ZNF441: variants seen among roughly 807,000 people sequenced by gnomAD.
ZNF441 encodes the protein zinc finger protein 441.
A neutral mutation model predicts 64.5 loss-of-function variants in ZNF441; 25 were observed. That is an observed-to-expected ratio of 0.39 (90% CI 0.28 to 0.54). ZNF441 has a LOEUF of 0.54. Among genes scored for constraint, ZNF441 ranks in the 20% least tolerant of loss-of-function variants. ZNF441 has a pLI of 0.70. For missense variants in ZNF441, 715 were observed against 843.3 expected (o/e 0.85, Z 1.88); for synonymous variants, 262 against 268.0 (o/e 0.98, Z 0.22).
At chr19:11,779,964 A>C (rs1975385309) in intron 3 of ZNF441, 55 bp from the exon 4 acceptor site, 1 of 1,352,960 alleles carries the variant, frequency 7.4e-7, no homozygotes, top group South Asian at 1.3e-5. Flanking sequence ...AATACTTATT[A>C]ATACAAAATC....
chr19:11,773,418 T>C (rs1364737838), intron 1 of ZNF441, among the ~76,000 whole-genome samples: 1 of 152,232 alleles, frequency 6.6e-6, no homozygotes, highest in East Asian at 1.9e-4. Flanking sequence ...ATGTGTAGCC[T>C]GCTGGTGTAA....
At position 11,767,748 on chromosome 19, in the gene ZNF441, T is replaced by C. The variant is rs1483730417; in HGVS notation, c.3+552T>C. 2.6e-5 allele frequency among the ~76,000 whole-genome samples: 4 copies of C among 152,186 alleles called. No individual in the cohort carries two copies. The highest frequency in any genetic ancestry group is 5.9e-5 in the Non-Finnish European group (4 of 68,032). On this transcript the variant is annotated intron_variant, in intron 1 of 3. Transcript: ENST00000357901. This position sits in a 1 kb window ranked among gnomAD's most constrained non-coding sequence, Gnocchi z 5.1. ...CTTCAGCCTGGTTGGCGCCAGCCTT[T>C]CCGCTGGAATTCAGGATCTGAGAAA...
At chr19:11,770,342 T>C (rs6511759) in intron 1 of ZNF441, among the ~76,000 whole-genome samples, 23,058 of 152,140 alleles carry the variant, frequency 0.15, 3,751 homozygotes, top group African/African-American at 0.39. Context: ...CCACAGGTCC[T>C]TCCCTTGATA....
rs1470403098 is a variant in ZNF441, at chr19:11,767,834, C to G, written c.3+638C>G. ...TCATCCCCAAGCACAATGGCGAAGC[C>G]GGCGGTCAGCATCTGCTGTGGCCTG... On this transcript the variant is annotated intron_variant, in intron 1 of 3. Coordinates refer to ENST00000357901, the MANE Select transcript of ZNF441 (RefSeq NM_152355.3). The surrounding 1 kb of genome is among the most constrained non-coding windows in gnomAD (Gnocchi z 5.1). Among the ~76,000 whole-genome samples, 1 of 152,182 alleles carries G rather than the reference C, an allele frequency of 6.6e-6. No individual in the cohort carries two copies. The highest frequency in any genetic ancestry group is 1.5e-5 in the Non-Finnish European group (1 of 68,032).
chr19:11,777,117 G>T (rs1027646204), intron 1 of ZNF441, among the ~76,000 whole-genome samples: 1 of 152,024 alleles, frequency 6.6e-6, no homozygotes, highest in Non-Finnish European at 1.5e-5. Context: ...GCCTCAGAGT[G>T]TTTTTTTCAT....
At chr19:11,778,667 A>G (rs2080080676) in intron 3 of ZNF441, among the ~76,000 whole-genome samples, 1 of 152,162 alleles carries the variant, frequency 6.6e-6, no homozygotes, top group Non-Finnish European at 1.5e-5. Flanking sequence ...GTGTTTGACC[A>G]GACTCATCTC....
rs1975277674 is a variant in ZNF441 at position 11,767,267 on chromosome 19, T to G, written c.3+71T>G. 6.5e-7 allele frequency: 1 copy of G among 1,549,986 alleles called. No individual in the cohort carries two copies. Among genetic ancestry groups the G allele is most frequent in the Admixed American group, 2.0e-5 (1 of 50,934 alleles). On this transcript the variant is annotated intron_variant, in intron 1 of 3. Coordinates refer to ENST00000357901, the MANE Select transcript of ZNF441 (RefSeq NM_152355.3). The surrounding 1 kb of genome is among the most constrained non-coding windows in gnomAD (Gnocchi z 5.1). Reference sequence around the variant, plus strand: ...GGTTGGAACCGGCCGGAACCGGCTGTGGTGGCACCAGGTCTTCCCCGCCGG... The same window carrying G: ...GGTTGGAACCGGCCGGAACCGGCTGGGGTGGCACCAGGTCTTCCCCGCCGG...
Position 11,781,202 on chromosome 19 carries a change from A to G in ZNF441, c.1378A>G (p.Asn460Asp). ...KQCGKAFRSS[N>D]YIRVHEKTHT... ...ATGCGGAAAAGCCTTCAGGTCTTCC[A>G]ATTACATTCGAGTACATGAAAAGAC... Residue 460 changes from asparagine to aspartate, a missense_variant, in exon 4 of 4, where the codon AAT (asparagine) becomes GAT (aspartate). Coordinates refer to ENST00000357901, the MANE Select transcript of ZNF441 (RefSeq NM_152355.3). 1 of 1,613,766 alleles carries G rather than the reference A, an allele frequency of 6.2e-7. No homozygotes were observed. The highest frequency in any genetic ancestry group is 8.5e-7 in the Non-Finnish European group (1 of 1,179,888).
chr19:11,776,858 G>T (rs1285985753), intron 1 of ZNF441, among the ~76,000 whole-genome samples: 1 of 151,842 alleles, frequency 6.6e-6, no homozygotes, highest in African/African-American at 2.4e-5. Flanking sequence ...GCCCAGGCTG[G>T]AGTGCAATGG....
At chr19:11,777,895 A>G (rs1409206907) in intron 2 of ZNF441, 158 bp downstream of exon 2, 3 of 678,650 alleles carry the variant, frequency 4.4e-6, no homozygotes, top group Admixed American at 6.9e-5. Flanking sequence ...CTTAACCACT[A>G]GTAGCCTACT....
chr19:11,780,761 T>G lies in ZNF441; in HGVS notation c.937T>G (p.Cys313Gly), dbSNP rs1327221757. ...AGATGGGCCTCATAAATGTAAGATA[T>G]GTGGAAAAGGCTTTCTTTCTCCCAG... is the stretch of plus-strand genomic sequence containing the variant. ...TGDGPHKCKI[C>G]GKGFLSPSSV... is the part of the protein sequence containing the mutation. Residue 313 changes from cysteine (C) to glycine (G), a missense_variant, in exon 4 of 4, where the codon TGT (cysteine) becomes GGT (glycine). Physicochemically the swap from Cys to Gly is radical, Grantham distance 159 (BLOSUM62 -3). Around this residue, in one of 2 missense-constraint regions of ZNF441, gnomAD observed 399 missense variants for 413.9 expected, o/e 0.96. Coordinates refer to ENST00000357901, the MANE Select transcript of ZNF441 (RefSeq NM_152355.3). 1.2e-6 allele frequency: 2 copies of G among 1,614,152 alleles called. No individual in the cohort carries two copies. The highest frequency in any genetic ancestry group is 8.5e-7 in the Non-Finnish European group (1 of 1,180,018).
Position 11,783,627 on chromosome 19 carries a change from TG to T in ZNF441, c.*1723del, listed in dbSNP as rs1464595446. The stretch of plus-strand genomic sequence containing the variant: ...AAAATGTTATTGCTAACAACATGGA[TG>T]GAACTTGAGGTCATTATGGTAAGTG... On this transcript the variant is annotated 3_prime_UTR_variant, in exon 4 of 4. Transcript: ENST00000357901. 3 of 152,332 alleles carry T rather than the reference TG, an allele frequency of 2.0e-5. No individual in the cohort carries two copies. Among genetic ancestry groups the T allele is most frequent in the Non-Finnish European group, 4.4e-5 (3 of 68,022 alleles). 9.4% of individuals were successfully genotyped at this position (152,332 alleles called of 1,614,324 possible). A position where few individuals can be genotyped will look rare whatever the true frequency, so the allele number is the denominator to read the frequency against.
intron 3 of ZNF441, among the ~76,000 whole-genome samples, chr19:11,778,946 G>T (rs894901104): frequency 9.2e-5 from 14 of 152,084 alleles, no homozygotes. Flanking sequence ...AAACAGCTGG[G>T]GTTGAGTTAC....
At chr19:11,777,878 C>A in intron 2 of ZNF441, 141 bp downstream of exon 2, 1 of 887,614 alleles carries the variant, frequency 1.1e-6, no homozygotes. Flanking sequence ...CATCTTCTCC[C>A]GCACAACTTA....
At chr19:11,776,299 A>C (rs927175055) in intron 1 of ZNF441, among the ~76,000 whole-genome samples, 1 of 152,208 alleles carries the variant, frequency 6.6e-6, no homozygotes, top group Non-Finnish European at 1.5e-5. Flanking sequence ...TAAAAACTCC[A>C]CAAAACTTTC....
At position 11,782,023 on chromosome 19, in the gene ZNF441, C is replaced by A; in HGVS notation, c.*117C>A. On this transcript the variant is annotated 3_prime_UTR_variant, in exon 4 of 4. Transcript: ENST00000357901. ...GTATGAATATAAAAATGTACTAAAACCTTCCATTTTTTTCAGTACCTTTTG... is the reference window on the plus strand; with the variant it reads ...GTATGAATATAAAAATGTACTAAAAACTTCCATTTTTTTCAGTACCTTTTG... The A allele has an allele frequency of 1.2e-6, 1 of 810,022 alleles. No homozygotes were observed. Among genetic ancestry groups the A allele is most frequent in the Non-Finnish European group, 1.8e-6 (1 of 566,366 alleles). 50.2% of individuals were successfully genotyped at this position (810,022 alleles called of 1,614,324 possible). A position where few individuals can be genotyped will look rare whatever the true frequency, so the allele number is the denominator to read the frequency against.
chr19:11,780,130 A>G lies in ZNF441; in HGVS notation c.306A>G (p.Pro102=), dbSNP rs1430699264. The G allele has an allele frequency of 6.2e-7, 1 of 1,614,184 alleles. No homozygotes were observed. The highest frequency in any genetic ancestry group is 1.1e-5 in the South Asian group (1 of 91,084). Residue 102 remains proline, a synonymous_variant, in exon 4 of 4, where the codon CCA becomes CCG. Transcript: ENST00000357901. ...ACGAGAAAATACCTGGAGTAGATCC[A>G]TGGGAAAGCAGTGAGTGTACAGACG... The part of the protein sequence containing the change: ...IVNEKIPGVD[P]WESSECTDVL...
At chr19:11,774,429 T>G (rs1975339015) in intron 1 of ZNF441, among the ~76,000 whole-genome samples, 1 of 152,202 alleles carries the variant, frequency 6.6e-6, no homozygotes. Context: ...GCAAGACAGT[T>G]GTATCAATCA....
In ZNF441 at chr19:11,782,019, A is replaced by T; in HGVS notation, c.*113A>T. ...AGTTGTATGAATATAAAAATGTACT[A>T]AAACCTTCCATTTTTTTCAGTACCT... On this transcript the variant is annotated 3_prime_UTR_variant, in exon 4 of 4. Transcript: ENST00000357901. The T allele has an allele frequency of 1.2e-6, 1 of 829,678 alleles. No homozygotes were observed. Among genetic ancestry groups the T allele is most frequent in the Non-Finnish European group, 1.7e-6 (1 of 581,882 alleles). 51.4% of individuals were successfully genotyped at this position (829,678 alleles called of 1,614,324 possible).
Sources: gnomAD v4.1 joint callset for allele counts (sites outside exome capture counted in the v4.1 genomes callset) on GRCh38, gnomAD v4.1.1 for gene constraint, gnomAD v4.1.1 regional missense constraint, Gnocchi (gnomAD v3.1) non-coding constraint, MANE v1.5 for transcripts, NCBI Gene and HGNC (gene_info 2026-07-23, HGNC 2026-07-21) for gene names.